The following USP48 variants were observed in gnomAD, a reference collection of about 807,000 sequenced individuals.
USP48 encodes the protein ubiquitin specific peptidase 48.
A neutral mutation model predicts 150.7 loss-of-function variants in USP48; 43 were observed. The observed-to-expected ratio is 0.29, with a 90% confidence interval of 0.22 to 0.37. The LOEUF is 0.37. USP48 is among the 10% of genes least tolerant of loss of function. USP48 has a pLI of 1.00. For missense variants in USP48, 813 were observed against 1,249.6 expected (o/e 0.65, Z 5.27); for synonymous variants, 396 against 425.9 (o/e 0.93, Z 0.86).
intron 23 of USP48, among the ~76,000 whole-genome samples, chr1:21,694,507 T>C (rs1176864884): frequency 1.6e-5 from 2 of 127,834 alleles, no homozygotes; most frequent in African/African-American, 6.0e-5. Flanking sequence ...TAGGCGGAGG[T>C]TGCAGTGAGC....
chr1:21,740,295 TC>T (rs1176565419), intron 8 of USP48, among the ~76,000 whole-genome samples: 4 of 152,252 alleles, frequency 2.6e-5, no homozygotes, highest in Non-Finnish European at 5.9e-5. Context: ...TGATAGAGTA[TC>T]CTTTCCATTT....
At chr1:21,740,300 T>C (rs1354860678) in intron 8 of USP48, among the ~76,000 whole-genome samples, 1 of 152,252 alleles carries the variant, frequency 6.6e-6, no homozygotes, top group Admixed American at 6.5e-5. Context: ...GAGTATCCTT[T>C]CCATTTAAGC....
intron 15 of USP48, among the ~76,000 whole-genome samples, chr1:21,709,070 C>T (rs1009548055): frequency 6.6e-6 from 1 of 151,704 alleles, no homozygotes; most frequent in Non-Finnish European, 1.5e-5. Flanking sequence ...CCACCATGCC[C>T]GCCTAATATT....
chr1:21,722,076 G>A (rs1420974010), intron 12 of USP48, among the ~76,000 whole-genome samples: 1 of 152,048 alleles, frequency 6.6e-6, no homozygotes, highest in Non-Finnish European at 1.5e-5. Flanking sequence ...GAGGTTCTAA[G>A]GTGGGGGGGT....
At chr1:21,782,419 A>G (rs1438648393) in intron 1 of USP48, among the ~76,000 whole-genome samples, 1 of 152,176 alleles carries the variant, frequency 6.6e-6, no homozygotes, top group Non-Finnish European at 1.5e-5. Flanking sequence ...CAAAAATAAT[A>G]CTAAGATGAT....
chr1:21,763,406 G>T (rs2097854586), intron 1 of USP48, among the ~76,000 whole-genome samples: 1 of 152,198 alleles, frequency 6.6e-6, no homozygotes, highest in Non-Finnish European at 1.5e-5. Context: ...CATTAAAAGG[G>T]CTTGGGCTTT....
chr1:21,688,901 C>G (rs1355332145), intron 24 of USP48, among the ~76,000 whole-genome samples: 1 of 147,502 alleles, frequency 6.8e-6, no homozygotes, highest in African/African-American at 2.5e-5. Flanking sequence ...AAATCCAAAA[C>G]CAATTTCCAT....
chr1:21,690,178 G>C, intron 23 of USP48, 79 bp from the exon 24 acceptor site: 1 of 1,273,316 alleles, frequency 7.9e-7, no homozygotes, highest in Non-Finnish European at 1.0e-6. Context: ...AATTATGCAT[G>C]GATTCTTAAA....
intron 1 of USP48, among the ~76,000 whole-genome samples, chr1:21,778,086 T>G (rs1259429503): frequency 6.7e-6 from 1 of 149,666 alleles, no homozygotes; most frequent in Non-Finnish European, 1.5e-5. Flanking sequence ...GAGGTTACAG[T>G]GAGCCGAGAT....
intron 22 of USP48, among the ~76,000 whole-genome samples, chr1:21,700,261 C>G (rs2097651483): frequency 6.6e-6 from 1 of 151,984 alleles, no homozygotes; most frequent in Non-Finnish European, 1.5e-5. Flanking sequence ...CTGGGAAGGA[C>G]AACTTAAAGA....
intron 1 of USP48, among the ~76,000 whole-genome samples, chr1:21,771,561 T>C (rs1450963096): frequency 6.6e-6 from 1 of 151,726 alleles, no homozygotes; most frequent in African/African-American, 2.4e-5. Context: ...TCAAATACTA[T>C]AAAATAATTA....
intron 12 of USP48, among the ~76,000 whole-genome samples, chr1:21,723,154 T>C (rs931774429): frequency 6.6e-6 from 1 of 152,158 alleles, no homozygotes; most frequent in African/African-American, 2.4e-5. Context: ...TATAGCTCTA[T>C]ATTTAAGGGA....
chr1:21,749,093 C>G (rs1269832336), intron 6 of USP48, among the ~76,000 whole-genome samples: 1 of 152,074 alleles, frequency 6.6e-6, no homozygotes, highest in Non-Finnish European at 1.5e-5. Context: ...TTAAAATTTG[C>G]CTTTATATTT....
intron 12 of USP48, among the ~76,000 whole-genome samples, chr1:21,722,086 T>G (rs1157362131): frequency 6.6e-6 from 1 of 150,576 alleles, no homozygotes; most frequent in East Asian, 1.9e-4. Flanking sequence ...GGTGGGGGGG[T>G]TAAATATAGC....
intron 1 of USP48, among the ~76,000 whole-genome samples, chr1:21,760,036 GACACC>G (rs1218332405): frequency 6.6e-6 from 1 of 152,154 alleles, no homozygotes; most frequent in Non-Finnish European, 1.5e-5. Context: ...GAATCTAATT[GACACC>G]ACACACCTTC....
chr1:21,735,580 G>A lies in USP48; in HGVS notation c.1171+866C>T, dbSNP rs148722805. 2.2e-3 allele frequency among the ~76,000 whole-genome samples: 339 copies of A among 152,294 alleles called. 2 individuals are homozygous for A. The highest frequency in any genetic ancestry group is 7.0e-3 in the African/African-American group (292 of 41,578). On this transcript the variant is annotated intron_variant, in intron 9 of 26. Coordinates refer to ENST00000308271, the MANE Select transcript of USP48 (RefSeq NM_032236.8). ...AGCCTGGCCAACACAGTGAAACCCT[G>A]TCTCTATTAAAAATAGAAAAAATTA...
intron 15 of USP48, among the ~76,000 whole-genome samples, chr1:21,714,315 G>A (rs946490455): frequency 2.6e-5 from 4 of 152,146 alleles, no homozygotes; most frequent in Admixed American, 1.3e-4. Context: ...TCGCACGGTC[G>A]TCCAGGCTGG....
intron 8 of USP48, among the ~76,000 whole-genome samples, chr1:21,737,408 G>C (rs1166006174): frequency 5.9e-5 from 9 of 152,110 alleles, no homozygotes; most frequent in Non-Finnish European, 1.0e-4. Context: ...AAGTTCCTAT[G>C]CTATTTTAAT....
intron 14 of USP48, among the ~76,000 whole-genome samples, chr1:21,720,652 C>T (rs181346065): frequency 3.4e-4 from 51 of 152,056 alleles, no homozygotes; most frequent in Admixed American, 1.2e-3. Flanking sequence ...CTCAGCCTCC[C>T]GAGTAGCTGG....
Sources: allele counts gnomAD v4.1 joint callset (sites outside exome capture counted in the v4.1 genomes callset), GRCh38; gene constraint gnomAD v4.1.1; transcripts MANE v1.5; gene names NCBI Gene and HGNC (gene_info 2026-07-23, HGNC 2026-07-21).